The following DOCK7 variants were observed in gnomAD, a reference collection of about 807,000 sequenced individuals.
The protein encoded by DOCK7 is dedicator of cytokinesis 7, also known as dedicator of cytokinesis protein 7.
In DOCK7, 138 loss-of-function variants were observed where a neutral mutation model predicts 271.0. The ratio of observed to expected loss-of-function variants is 0.51; its 90% CI spans 0.44 to 0.59. The LOEUF is 0.59. Among genes scored for constraint, DOCK7 ranks in the 20% least tolerant of loss-of-function variants. The probability of loss-of-function intolerance (pLI) is 0.00; values close to 1 mark genes in which losing one functional copy is unlikely to be tolerated. For missense variants in DOCK7, 2,066 were observed against 2,592.4 expected (o/e 0.80, Z 4.41); for synonymous variants, 823 against 876.1 (o/e 0.94, Z 1.07).
rs140294968 is a variant in DOCK7 at position 62,491,874 on chromosome 1, T to C, written c.5361+830A>G. 1.4e-4 allele frequency among the ~76,000 whole-genome samples: 22 copies of C among 152,292 alleles called. No homozygotes were observed. The East Asian group carries it at 4.0e-3, about 28-fold the overall frequency. On this transcript the variant is annotated intron_variant, in intron 41 of 49. Transcript: ENST00000635253. ...TAACAGTTTTATTAACCAAAAAAAATCTGCTACAAATCACATGCTGGTTAA... is the reference window on the plus strand; with the variant it reads ...TAACAGTTTTATTAACCAAAAAAAACCTGCTACAAATCACATGCTGGTTAA...
chr1:62,650,190 T>C (rs1176473766), intron 4 of DOCK7, among the ~76,000 whole-genome samples: 2 of 152,216 alleles, frequency 1.3e-5, no homozygotes, highest in Admixed American at 6.5e-5. Context: ...ACCTAGATCA[T>C]ATTTAGTCTA....
chr1:62,470,382 G>A (rs1313659209), intron 48 of DOCK7, among the ~76,000 whole-genome samples: 1 of 152,170 alleles, frequency 6.6e-6, no homozygotes, highest in Non-Finnish European at 1.5e-5. Flanking sequence ...ATGCAAAGGT[G>A]TAACAATGAT....
At chr1:62,569,801 C>T (rs1263007628) in intron 18 of DOCK7, among the ~76,000 whole-genome samples, 2 of 150,168 alleles carry the variant, frequency 1.3e-5, no homozygotes, top group Non-Finnish European at 3.0e-5. Context: ...GCAACCTCCA[C>T]CTCCTGGGTT....
At chr1:62,489,656 T>C (rs1473259096) in intron 41 of DOCK7, among the ~76,000 whole-genome samples, 1 of 152,242 alleles carries the variant, frequency 6.6e-6, no homozygotes, top group Non-Finnish European at 1.5e-5. Flanking sequence ...TTTATATTTC[T>C]ATAATTTGAA....
chr1:62,455,595 A>G, intron 49 of DOCK7, 139 bp from the exon 50 acceptor site: 2 of 735,456 alleles, frequency 2.7e-6, no homozygotes, highest in Non-Finnish European at 2.3e-6. Context: ...TTGGATGCTC[A>G]TCCTACCTAC....
chr1:62,543,606 AT>A (rs1385223506), intron 24 of DOCK7, 49 bp downstream of exon 24: 1 of 1,363,510 alleles, frequency 7.3e-7, no homozygotes, highest in South Asian at 1.2e-5. Flanking sequence ...CATCTATTTA[AT>A]TGGTGAAATT....
At chr1:62,467,016 C>G (rs954082298) in intron 48 of DOCK7, among the ~76,000 whole-genome samples, 3 of 152,008 alleles carry the variant, frequency 2.0e-5, no homozygotes, top group Non-Finnish European at 2.9e-5. Context: ...GATCAAGGGT[C>G]GTAAGGACCT....
chr1:62,608,873 G>A (rs1272571113), intron 14 of DOCK7: 1 of 151,988 alleles, frequency 6.6e-6, no homozygotes, highest in African/African-American at 2.4e-5. Flanking sequence ...ATTAATTTTA[G>A]AAATGGTATT....
chr1:62,494,177 G>T (rs1646549869), intron 40 of DOCK7, 98 bp downstream of exon 40: 3 of 1,153,714 alleles, frequency 2.6e-6, no homozygotes, highest in Non-Finnish European at 2.4e-6. Flanking sequence ...AAGTCTTTAA[G>T]CTTTCCTTAT....
chr1:62,514,241 T>C (rs1644591349), intron 31 of DOCK7, among the ~76,000 whole-genome samples: 1 of 151,894 alleles, frequency 6.6e-6, no homozygotes, highest in Admixed American at 6.6e-5. Context: ...ATATCAGATA[T>C]AATGAAAATA....
intron 15 of DOCK7, among the ~76,000 whole-genome samples, chr1:62,583,721 G>A (rs1400792781): frequency 6.6e-6 from 1 of 152,122 alleles, no homozygotes; most frequent in South Asian, 2.1e-4. Context: ...GTCAAGCTAT[G>A]TATCCTTTGC....
rs147371901 is a variant in DOCK7 at position 62,524,931 on chromosome 1, C to CTATATATATATATA, written c.3936+3206_3936+3219dup. Among the ~76,000 whole-genome samples, 601 of 103,554 alleles carry CTATATATATATATA rather than the reference C, an allele frequency of 5.8e-3. 26 individuals carry two copies. Among genetic ancestry groups the CTATATATATATATA allele is most frequent in the African/African-American group, 0.022 (491 of 22,590 alleles). The allele number at this position is 103,554 out of a possible 152,430, so 67.9% of individuals were successfully genotyped here. ...AACAAAACAAAACCAACCAACCAAA[C>CTATATATATATATA]TATATATATATATATATATATATAT... is the stretch of plus-strand genomic sequence containing the variant. On this transcript the variant is annotated intron_variant, in intron 31 of 49. Coordinates refer to ENST00000635253, the MANE Select transcript of DOCK7 (RefSeq NM_001367561.1).
chr1:62,625,547 A>G, intron 11 of DOCK7, 146 bp from the exon 12 acceptor site: 2 of 703,198 alleles, frequency 2.8e-6, no homozygotes, highest in Non-Finnish European at 4.6e-6. Flanking sequence ...GCTTTTGGAG[A>G]GATTAGTAAG....
intron 1 of DOCK7, chr1:62,687,664 G>T (rs1278875073): frequency 6.6e-6 from 1 of 152,258 alleles, no homozygotes; most frequent in African/African-American, 2.4e-5. Flanking sequence ...AACCTGGCCC[G>T]AGGGTGCAAA....
At position 62,520,070 on chromosome 1, in the gene DOCK7, C is replaced by T. The variant is rs138112904; in HGVS notation, c.3937-6172G>A. Among the ~76,000 whole-genome samples, 581 of 152,272 alleles carry T rather than the reference C, an allele frequency of 3.8e-3. 14 individuals are homozygous for T. Among genetic ancestry groups the T allele is most frequent in the Admixed American group, 0.034 (522 of 15,288 alleles). On this transcript the variant is annotated intron_variant, in intron 31 of 49. Transcript: ENST00000635253. ...CATATGCAGAAAACTGAAACTGGAT[C>T]CCTTCCTTATACCTTATACAAAAAT...
At chr1:62,575,568 A>T (rs905196484) in intron 18 of DOCK7, among the ~76,000 whole-genome samples, 1 of 152,230 alleles carries the variant, frequency 6.6e-6, no homozygotes, top group Non-Finnish European at 1.5e-5. Context: ...AGTCAACAGT[A>T]AGCTATTATA....
intron 27 of DOCK7, among the ~76,000 whole-genome samples, chr1:62,538,582 A>G (rs1645424356): frequency 6.6e-6 from 1 of 152,242 alleles, no homozygotes; most frequent in Middle Eastern, 3.2e-3. Flanking sequence ...AAGTTCTGGT[A>G]GCAATAGTAC....
intron 22 of DOCK7, among the ~76,000 whole-genome samples, chr1:62,546,879 TTA>T (rs1430014787): frequency 6.6e-6 from 1 of 152,118 alleles, no homozygotes; most frequent in African/African-American, 2.4e-5. Flanking sequence ...AAGCCCAAAA[TTA>T]TGTCTTTTTT....
chr1:62,590,589 A>G (rs1648294337), intron 14 of DOCK7, among the ~76,000 whole-genome samples: 1 of 152,182 alleles, frequency 6.6e-6, no homozygotes, highest in African/African-American at 2.4e-5. Context: ...ACAAGCAAAT[A>G]ATGATAATAA....
Sources: gnomAD v4.1 joint callset for allele counts (sites outside exome capture counted in the v4.1 genomes callset) on GRCh38, gnomAD v4.1.1 for gene constraint, MANE v1.5 for transcripts, NCBI Gene and HGNC (gene_info 2026-07-23, HGNC 2026-07-21) for gene names.